Variants in CWH43 observed in about 807,000 individuals in gnomAD.
CWH43 encodes the protein PGAP2-interacting protein.
Under a neutral mutation model 85.7 loss-of-function variants are expected in CWH43, and 91 were observed. The ratio of observed to expected loss-of-function variants is 1.06; its 90% CI spans 0.90 to 1.26. The LOEUF (loss-of-function observed/expected upper bound fraction) is 1.26, where lower values mean the gene tolerates loss of function less well. CWH43 is among the 50% of genes most tolerant of loss of function. CWH43 has a pLI of 0.00. For synonymous variants in CWH43, 323 were observed against 293.6 expected (o/e 1.10, Z -1.02); for missense variants, 869 against 839.2 (o/e 1.04, Z -0.44).
At position 49,050,741 on chromosome 4, in the gene CWH43, T is replaced by C. The variant is rs749704902; in HGVS notation, c.1913T>C (p.Ile638Thr). The change falls in exon 15 of 16, where the codon ATT becomes ACT. Residue 638 changes from isoleucine to threonine, a missense_variant. By Grantham distance (89) the Ile-to-Thr change is moderately conservative. Around this residue, in one of 3 missense-constraint regions of CWH43, gnomAD observed 577 missense variants for 513.1 expected, o/e 1.12. Transcript: ENST00000226432. ...CATGCTGAACTGAGTGATTCAGAAA[T>C]TCAGATGGCAAAATTTAGGATCCCT... ...ISHAELSDSE[I>T]QMAKFRIPDD... The C allele has an allele frequency of 7.4e-6, 12 of 1,613,242 alleles. No individual in the cohort carries two copies. Among genetic ancestry groups the C allele is most frequent in the Non-Finnish European group, 9.3e-6 (11 of 1,179,364 alleles).
intron 6 of CWH43, 119 bp downstream of exon 6, chr4:48,998,667 T>G (rs142006288): frequency 6.1e-4 from 460 of 748,542 alleles, no homozygotes; most frequent in Non-Finnish European, 9.9e-4. Flanking sequence ...TGTGGCCAAA[T>G]GGGCTGTTGT....
At chr4:49,033,257 A>T (rs1205622665) in intron 12 of CWH43, among the ~76,000 whole-genome samples, 1 of 152,208 alleles carries the variant, frequency 6.6e-6, no homozygotes, top group Admixed American at 6.5e-5. Context: ...TCTCTCCCTC[A>T]TGTTTTCACA....
intron 9 of CWH43, among the ~76,000 whole-genome samples, chr4:49,026,774 T>C (rs1783930085): frequency 6.6e-6 from 1 of 152,220 alleles, no homozygotes; most frequent in Admixed American, 6.5e-5. Flanking sequence ...ACATTTTCTT[T>C]ATCCAGTCAT....
chr4:49,037,229 C>G (rs1183967828), intron 12 of CWH43, among the ~76,000 whole-genome samples: 1 of 152,116 alleles, frequency 6.6e-6, no homozygotes, highest in Admixed American at 6.6e-5. Flanking sequence ...AATAAAAGCA[C>G]CATGTTCAGC....
chr4:49,029,061 T>A (rs1055231123), intron 10 of CWH43, among the ~76,000 whole-genome samples: 1 of 152,152 alleles, frequency 6.6e-6, no homozygotes, highest in African/African-American at 2.4e-5. Context: ...GGGGACCCAC[T>A]GTTGGGGACC....
chr4:49,024,134 G>A (rs1245352666), intron 9 of CWH43, among the ~76,000 whole-genome samples: 1 of 152,082 alleles, frequency 6.6e-6, no homozygotes, highest in African/African-American at 2.4e-5. Context: ...TTGTTTTAAA[G>A]TTTGTTTTGT....
chr4:48,986,365 C>CAGGGCT lies in CWH43; in HGVS notation c.-59_-54dup, dbSNP rs1186937898. 4.1e-6 allele frequency: 6 copies of CAGGGCT among 1,470,004 alleles called. No homozygotes were observed. Among genetic ancestry groups the CAGGGCT allele is most frequent in the Non-Finnish European group, 5.5e-6 (6 of 1,087,702 alleles). The allele number at this position is 1,470,004 out of a possible 1,614,324, so 91.1% of individuals were successfully genotyped here. ...ACGCGGCGGCGGGAACCTGGGGGCG[C>CAGGGCT]AGGGCTAGGGCAGCGGGCCCGACCC... On this transcript the variant is annotated 5_prime_UTR_variant, in exon 1 of 16. Transcript: ENST00000226432.
In CWH43 at chr4:49,032,634, A is replaced by C; in HGVS notation, c.1577A>C (p.Glu526Ala). ...EHHLLPSPEG[E>A]IAPAITLTVN... ...CACCTTCTTCCGTCACCAGAGGGCG[A>C]GATCGCACCAGCCATCACATTGACC... The change falls in exon 12 of 16, where the codon GAG (glutamate) becomes GCG (alanine). Residue 526 changes from glutamate (E) to alanine (A), a missense_variant. Physicochemically the swap from Glu to Ala is moderately radical, Grantham distance 107. This residue lies in a region of CWH43 where 577 missense variants were observed against 513.1 expected (regional missense o/e 1.12). Transcript: ENST00000226432. 1 of 1,614,096 alleles carries C rather than the reference A, an allele frequency of 6.2e-7. No homozygotes were observed. The highest frequency in any genetic ancestry group is 8.5e-7 in the Non-Finnish European group (1 of 1,179,964).
intron 12 of CWH43, among the ~76,000 whole-genome samples, chr4:49,034,039 T>A (rs1222084640): frequency 6.6e-6 from 1 of 152,176 alleles, no homozygotes; most frequent in Non-Finnish European, 1.5e-5. Flanking sequence ...AAAACTCAGA[T>A]CATAAATAAT....
intron 9 of CWH43, among the ~76,000 whole-genome samples, chr4:49,026,833 G>A (rs1424298723): frequency 1.3e-5 from 2 of 152,160 alleles, no homozygotes; most frequent in East Asian, 1.9e-4. Flanking sequence ...ATTGTGAATT[G>A]TGCTGCTGTA....
chr4:49,041,300 T>C (rs985664392), intron 13 of CWH43, among the ~76,000 whole-genome samples: 4 of 152,226 alleles, frequency 2.6e-5, no homozygotes, highest in Non-Finnish European at 5.9e-5. Context: ...GGTAGCCTGA[T>C]GGGGATGACA....
At chr4:49,033,158 A>G (rs1441080829) in intron 12 of CWH43, among the ~76,000 whole-genome samples, 1 of 152,164 alleles carries the variant, frequency 6.6e-6, no homozygotes, top group Non-Finnish European at 1.5e-5. Context: ...AATAAACCAG[A>G]CAACAGAAAA....
In CWH43 at chr4:48,986,362, G is replaced by T; in HGVS notation, c.-68G>T. ...AGGACGCGGCGGCGGGAACCTGGGG[G>T]CGCAGGGCTAGGGCAGCGGGCCCGA... On this transcript the variant is annotated 5_prime_UTR_variant, in exon 1 of 16. Transcript: ENST00000226432. The T allele has an allele frequency of 6.9e-7, 1 of 1,454,876 alleles. No homozygotes were observed. 90.1% of individuals were successfully genotyped at this position (1,454,876 alleles called of 1,614,324 possible).
At chr4:49,058,449 T>C (rs567367884) in intron 15 of CWH43, among the ~76,000 whole-genome samples, 1 of 152,348 alleles carries the variant, frequency 6.6e-6, no homozygotes, top group East Asian at 1.9e-4. Context: ...TTTGTAGATA[T>C]AGTTATTTTA....
chr4:49,007,651 G>T (rs574310530), intron 8 of CWH43, among the ~76,000 whole-genome samples: 55 of 146,204 alleles, frequency 3.8e-4, no homozygotes, highest in African/African-American at 1.3e-3. Context: ...GCAGGCCCCA[G>T]TGTGTGATGT....
chr4:49,030,704 A>T, intron 10 of CWH43, 121 bp from the exon 11 acceptor site: 1 of 846,798 alleles, frequency 1.2e-6, no homozygotes, highest in Non-Finnish European at 1.7e-6. Flanking sequence ...ACTAATAATT[A>T]CTTTGTTTTT....
intron 14 of CWH43, among the ~76,000 whole-genome samples, chr4:49,047,444 A>T (rs879574239): frequency 3.3e-5 from 5 of 152,188 alleles, no homozygotes; most frequent in Admixed American, 1.3e-4. Flanking sequence ...GGTGGGAAAA[A>T]CTAAGCAGGG....
intron 15 of CWH43, among the ~76,000 whole-genome samples, chr4:49,059,378 G>T (rs1252140382): frequency 1.3e-5 from 2 of 151,802 alleles, no homozygotes; most frequent in Non-Finnish European, 2.9e-5. Context: ...TTGTTTAGTT[G>T]TCCATCTGTG....
intron 5 of CWH43, among the ~76,000 whole-genome samples, chr4:48,995,959 C>T (rs1241685345): frequency 6.6e-6 from 1 of 152,080 alleles, no homozygotes; most frequent in Non-Finnish European, 1.5e-5. Context: ...AACCTCTCAG[C>T]AGTTCCCCCC....
Sources: allele counts gnomAD v4.1 joint callset (sites outside exome capture counted in the v4.1 genomes callset), GRCh38; gene constraint gnomAD v4.1.1; regional missense constraint gnomAD v4.1.1; transcripts MANE v1.5; gene names NCBI Gene and HGNC (gene_info 2026-07-23, HGNC 2026-07-21).